Variants in MMS22L observed in about 807,000 individuals in gnomAD.
MMS22L encodes the protein MMS22 like, DNA repair protein.
MMS22L carries 74 observed loss-of-function variants against 159.1 expected under a neutral mutation model. The ratio of observed to expected loss-of-function variants is 0.47; its 90% CI spans 0.39 to 0.56. The LOEUF is 0.56. Ranked by LOEUF, MMS22L falls within the 20% of genes least tolerant of loss-of-function variation. MMS22L has a pLI of 0.00. For missense variants in MMS22L, 1,351 were observed against 1,422.1 expected, an observed-to-expected ratio of 0.95 and a Z score of 0.80; for synonymous variants, 517 against 506.9, an observed-to-expected ratio of 1.02 and a Z score of -0.27.
intron 11 of MMS22L, among the ~76,000 whole-genome samples, chr6:97,234,239 G>C (rs935859922): frequency 2.0e-5 from 3 of 152,026 alleles, no homozygotes; most frequent in Non-Finnish European, 4.4e-5. Flanking sequence ...AAAAATTACA[G>C]GTGTTTCATA....
At chr6:97,224,804 A>G (rs1413999933) in intron 14 of MMS22L, among the ~76,000 whole-genome samples, 3 of 151,942 alleles carry the variant, frequency 2.0e-5, no homozygotes, top group African/African-American at 7.2e-5. Flanking sequence ...AAGACTGTAT[A>G]AGCCATTCAG....
intron 9 of MMS22L, chr6:97,260,443 T>C (rs1471266483): frequency 6.6e-6 from 1 of 152,176 alleles, no homozygotes; most frequent in Non-Finnish European, 1.5e-5. Flanking sequence ...TCTCCCTCAG[T>C]CATGTTGTAA....
At chr6:97,164,361 C>T (rs942377955) in intron 21 of MMS22L, among the ~76,000 whole-genome samples, 7 of 151,154 alleles carry the variant, frequency 4.6e-5, no homozygotes, top group Non-Finnish European at 5.9e-5. Flanking sequence ...ACATACATCA[C>T]CATAGCATCT....
At chr6:97,199,801 C>A (rs372742350) in intron 14 of MMS22L, among the ~76,000 whole-genome samples, 2 of 151,782 alleles carry the variant, frequency 1.3e-5, no homozygotes, top group East Asian at 1.9e-4. Flanking sequence ...TATAACCAAA[C>A]CCTAATGGAA....
intron 14 of MMS22L, among the ~76,000 whole-genome samples, chr6:97,202,960 C>A (rs1807340046): frequency 6.6e-6 from 1 of 152,080 alleles, no homozygotes; most frequent in Non-Finnish European, 1.5e-5. Flanking sequence ...AGGTTTCCAG[C>A]CTTGTTTTTA....
chr6:97,225,375 T>A (rs892686300), intron 14 of MMS22L, among the ~76,000 whole-genome samples: 4 of 150,104 alleles, frequency 2.7e-5, no homozygotes, highest in African/African-American at 9.8e-5. Context: ...TTTCTTACCT[T>A]TTTTTTTTTC....
intron 14 of MMS22L, among the ~76,000 whole-genome samples, chr6:97,190,524 T>C (rs1805756630): frequency 6.6e-6 from 1 of 152,128 alleles, no homozygotes; most frequent in African/African-American, 2.4e-5. Flanking sequence ...GAAAATAAAT[T>C]TGCTGAATGT....
rs758528560 is a variant in MMS22L at position 97,282,514 on chromosome 6, G to GT, written c.-38dup. On this transcript the variant is annotated 5_prime_UTR_variant, in exon 2 of 25. The change creates a premature stop within an existing upstream ORF in the 5' untranslated region. Transcript: ENST00000683635. ...TGTTCTGAAACACTTGGGGTTCGTC[G>GT]TATCATTAAGGGCTCCAAAGAGAAG... 2 of 1,324,058 alleles carry GT rather than the reference G, an allele frequency of 1.5e-6. No homozygotes were observed. The highest frequency in any genetic ancestry group is 2.4e-5 in the South Asian group (2 of 83,988). 82.0% of individuals were successfully genotyped at this position (1,324,058 alleles called of 1,614,324 possible).
chr6:97,159,948 G>GTTTTTTTTTTTTTTTTTTT (rs368455553), intron 22 of MMS22L, among the ~76,000 whole-genome samples: 1 of 97,180 alleles, frequency 1.0e-5, no homozygotes. Flanking sequence ...TATCATTTCT[G>GTTTTTTTTTTTTTTTTTTT]TTTTTTTTTT....
At chr6:97,277,579 A>C (rs929698152) in intron 4 of MMS22L, among the ~76,000 whole-genome samples, 2 of 151,964 alleles carry the variant, frequency 1.3e-5, no homozygotes, top group African/African-American at 4.8e-5. Flanking sequence ...TGAACAAAAA[A>C]ACACATCCTC....
At position 97,282,415 on chromosome 6, in the gene MMS22L, C is replaced by A; in HGVS notation, c.63G>T (p.Thr21=). The change falls in exon 2 of 25, where the codon ACG becomes ACT. Residue 21 remains threonine, a synonymous_variant. Coordinates refer to ENST00000683635, the MANE Select transcript of MMS22L (RefSeq NM_001350599.2). Reference sequence around the variant, plus strand: ...AAAAGTAAGGAGGTTTGCACCATTCCGTCCCCAGCTCCAGCTCTAAGCTGT... The same window carrying A: ...AAAAGTAAGGAGGTTTGCACCATTCAGTCCCCAGCTCCAGCTCTAAGCTGT... The part of the protein sequence containing the change: ...LTDSLELELG[T]EWCKPPYFSC... 1.9e-6 allele frequency: 3 copies of A among 1,614,056 alleles called. No individual in the cohort carries two copies. The highest frequency in any genetic ancestry group is 2.5e-6 in the Non-Finnish European group (3 of 1,180,004).
rs148358875 is a variant in MMS22L, at chr6:97,162,309, G to A, written c.3222-144C>T. On this transcript the variant is annotated intron_variant, in intron 21 of 24. Transcript: ENST00000683635. ...GTATAAAGTATGTATATTTTACCAT[G>A]CTATCTTCAAACATAGGATTTTAGA... 1.4e-4 allele frequency: 87 copies of A among 620,470 alleles called. 1 individual carries two copies. In the Middle Eastern group the frequency reaches 4.7e-3, roughly 34 times the overall value. 38.4% of individuals were successfully genotyped at this position (620,470 alleles called of 1,614,324 possible).
chr6:97,171,417 G>A (rs1423158573), intron 19 of MMS22L, among the ~76,000 whole-genome samples: 1 of 152,186 alleles, frequency 6.6e-6, no homozygotes, highest in East Asian at 1.9e-4. Flanking sequence ...AAAGGGTCAT[G>A]ACTTGAATTT....
At chr6:97,253,459 ATTTTTTTTTT>A (rs11356068) in intron 10 of MMS22L, 1 of 124,452 alleles carries the variant, frequency 8.0e-6, no homozygotes, top group Admixed American at 8.1e-5. Flanking sequence ...AGGTATCTGG[ATTTTTTTTTT>A]TTTTTTTTTT....
intron 11 of MMS22L, among the ~76,000 whole-genome samples, chr6:97,237,091 T>C (rs563736404): frequency 1.3e-5 from 2 of 151,468 alleles, no homozygotes; most frequent in East Asian, 3.9e-4. Context: ...GACAGAAAAA[T>C]GAAAAGGTCA....
rs1251698159 is a variant in MMS22L at position 97,165,462 on chromosome 6, A to G, written c.3010-5T>C. On this transcript the variant is annotated splice_region_variant and splice_polypyrimidine_tract_variant and intron_variant, in intron 20 of 24. Transcript: ENST00000683635. Reference sequence around the variant, plus strand: ...ACAACACACGATACACATGCCCTACAAGGAAAAAAAGTAAGAAATACTAAG... The same window carrying G: ...ACAACACACGATACACATGCCCTACGAGGAAAAAAAGTAAGAAATACTAAG... 6.2e-7 allele frequency: 1 copy of G among 1,609,480 alleles called. No homozygotes were observed. Among genetic ancestry groups the G allele is most frequent in the South Asian group, 1.1e-5 (1 of 90,670 alleles).
intron 24 of MMS22L, among the ~76,000 whole-genome samples, chr6:97,147,420 T>A (rs1800972570): frequency 6.6e-6 from 1 of 152,250 alleles, no homozygotes. Flanking sequence ...TTTAGATGAT[T>A]TATTGTGCCT....
At chr6:97,160,030 C>G (rs74964394) in intron 22 of MMS22L, among the ~76,000 whole-genome samples, 2,647 of 110,014 alleles carry the variant, frequency 0.024, 80 homozygotes, top group African/African-American at 0.086. Context: ...ATACTGTTTT[C>G]TCTCACCACC....
rs376557603 is a variant in MMS22L at position 97,218,174 on chromosome 6, A to G, written c.2039+10720T>C. Among the ~76,000 whole-genome samples, 5 of 152,316 alleles carry G rather than the reference A, an allele frequency of 3.3e-5. No individual in the cohort carries two copies. The East Asian group carries it at 9.7e-4, about 29-fold the overall frequency. ...CACACTGAATTTTTCAATAACACCG[A>G]AAACCTTTCAACTGGGAAGAACAAA... On this transcript the variant is annotated intron_variant, in intron 14 of 24. Transcript: ENST00000683635.
Sources: gnomAD v4.1 joint callset for allele counts (sites outside exome capture counted in the v4.1 genomes callset) on GRCh38, gnomAD v4.1.1 for gene constraint, MANE v1.5 for transcripts, NCBI Gene and HGNC (gene_info 2026-07-23, HGNC 2026-07-21) for gene names.